Variants in SDK2 observed in about 807,000 individuals in gnomAD.
SDK2 encodes sidekick cell adhesion molecule 2, also known as protein sidekick-2.
A neutral mutation model predicts 253.9 loss-of-function variants in SDK2; 105 were observed. The observed-to-expected ratio is 0.41, with a 90% CI of 0.35 to 0.49. SDK2 has a LOEUF of 0.49. SDK2 is among the 20% of genes least tolerant of loss of function. The probability of loss-of-function intolerance (pLI) is 0.06; values close to 1 mark genes in which losing one functional copy is unlikely to be tolerated. For missense variants in SDK2, 2,608 were observed against 3,003.0 expected (o/e 0.87, Z 3.07); for synonymous variants, 1,249 against 1,234.9 (o/e 1.01, Z -0.24).
chr17:73,477,750 C>T (rs1023991510), intron 2 of SDK2, among the ~76,000 whole-genome samples: 1 of 152,156 alleles, frequency 6.6e-6, no homozygotes, highest in Admixed American at 6.5e-5. Context: ...CTGCCTGGCA[C>T]ATTCCTCGGC....
At chr17:73,460,072 C>A (rs35746115) in intron 3 of SDK2, among the ~76,000 whole-genome samples, 27,004 of 152,116 alleles carry the variant, frequency 0.18, 2,827 homozygotes, top group Non-Finnish European at 0.24. Flanking sequence ...AATCTAGGGA[C>A]CTTGTGACTA....
At chr17:73,483,707 A>AT (rs35288553) in intron 2 of SDK2, among the ~76,000 whole-genome samples, 4,479 of 64,218 alleles carry the variant, frequency 0.07, 472 homozygotes, top group Non-Finnish European at 0.091. Context: ...ATATATATAT[A>AT]TTTTTTTTTT....
chr17:73,537,206 T>C (rs1291404230), intron 1 of SDK2, among the ~76,000 whole-genome samples: 2 of 152,204 alleles, frequency 1.3e-5, no homozygotes, highest in East Asian at 1.9e-4. Flanking sequence ...GACGATGGAT[T>C]GTGAGCCCTG....
intron 2 of SDK2, among the ~76,000 whole-genome samples, chr17:73,491,602 G>A (rs1198655964): frequency 6.6e-6 from 1 of 152,268 alleles, no homozygotes; most frequent in East Asian, 1.9e-4. Context: ...GCTTGCAAGC[G>A]TGAGCCACTG....
chr17:73,365,990 C>CA (rs1273061204), intron 37 of SDK2, among the ~76,000 whole-genome samples: 4 of 152,132 alleles, frequency 2.6e-5, no homozygotes, highest in African/African-American at 9.7e-5. Context: ...GTGGCAACCC[C>CA]AAAATCATGG....
At chr17:73,366,381 C>T (rs1009490622) in intron 37 of SDK2, among the ~76,000 whole-genome samples, 1 of 152,146 alleles carries the variant, frequency 6.6e-6, no homozygotes, top group Non-Finnish European at 1.5e-5. Flanking sequence ...CAGCAGCTCA[C>T]GCTCATTCTG....
At chr17:73,355,174 A>ATATATTTTTTT in intron 40 of SDK2, among the ~76,000 whole-genome samples, 27 of 47,238 alleles carry the variant, frequency 5.7e-4, no homozygotes, top group Non-Finnish European at 8.1e-4. Flanking sequence ...ATATATATAT[A>ATATATTTTTTT]TTTTTTTTTT....
chr17:73,454,286 T>C (rs1324534218), intron 4 of SDK2, among the ~76,000 whole-genome samples: 2 of 152,238 alleles, frequency 1.3e-5, no homozygotes, highest in African/African-American at 2.4e-5. Context: ...ACAGGGCTTG[T>C]TCCCCACAAA....
intron 1 of SDK2, among the ~76,000 whole-genome samples, chr17:73,574,232 CAATA>C (rs558784658): frequency 4.9e-4 from 75 of 152,246 alleles, no homozygotes; most frequent in African/African-American, 1.8e-3. Flanking sequence ...CCTAATACAC[CAATA>C]AATATTTATC....
intron 18 of SDK2, among the ~76,000 whole-genome samples, chr17:73,403,420 C>T (rs1055319470): frequency 6.6e-6 from 1 of 151,810 alleles, no homozygotes; most frequent in African/African-American, 2.4e-5. Context: ...TCACACCTGG[C>T]CCCCGCCCCC....
At chr17:73,414,615 C>A (rs2063164850) in intron 18 of SDK2, 29 bp downstream of exon 18, 3 of 1,560,844 alleles carry the variant, frequency 1.9e-6, no homozygotes, top group East Asian at 2.2e-5. Flanking sequence ...CTTAGGGCCT[C>A]CTCTTGGGTG....
rs2063977081 is a variant in SDK2, at chr17:73,511,131, T to TCA, written c.65-3536_65-3535dup. 6.6e-6 allele frequency among the ~76,000 whole-genome samples: 1 copy of TCA among 152,204 alleles called. No homozygotes were observed. The highest frequency in any genetic ancestry group is 1.5e-5 in the Non-Finnish European group (1 of 68,030). ...GCACATTCTTACTTCAAAGGCGCAT[T>TCA]CATATTCTCCAGCAGCTTTCAAGAG... On this transcript the variant is annotated intron_variant, in intron 1 of 44. Transcript: ENST00000392650. This position sits in a 1 kb window ranked among gnomAD's most constrained non-coding sequence, Gnocchi z 4.9.
chr17:73,432,651 G>A (rs1368306749), intron 10 of SDK2, among the ~76,000 whole-genome samples: 1 of 151,998 alleles, frequency 6.6e-6, no homozygotes, highest in African/African-American at 2.4e-5. Flanking sequence ...ATGAGAAGGT[G>A]GGGAGTGAAG....
At chr17:73,386,594 G>C (rs2062874670) in intron 30 of SDK2, 46 bp from the exon 31 acceptor site, 1 of 1,366,646 alleles carries the variant, frequency 7.3e-7, no homozygotes, top group African/African-American at 1.4e-5. Flanking sequence ...CTCCTTAAAG[G>C]CCTCGCCCCA....
intron 1 of SDK2, among the ~76,000 whole-genome samples, chr17:73,585,246 C>T (rs2045588557): frequency 6.6e-6 from 1 of 152,246 alleles, no homozygotes; most frequent in Non-Finnish European, 1.5e-5. Flanking sequence ...TCTCAGAATG[C>T]ACTCTGTTTC....
chr17:73,405,513 T>G (rs58510364), intron 18 of SDK2, among the ~76,000 whole-genome samples: 11 of 21,940 alleles, frequency 5.0e-4, no homozygotes, highest in South Asian at 1.8e-3. Context: ...TATATATATA[T>G]ATATAAAGAT....
At chr17:73,429,634 CCTT>C (rs1387257539) in intron 12 of SDK2, among the ~76,000 whole-genome samples, 1 of 152,244 alleles carries the variant, frequency 6.6e-6, no homozygotes, top group African/African-American at 2.4e-5. Context: ...AGCGCCGGCC[CCTT>C]CTAGCCTCGG....
At chr17:73,579,637 G>A (rs2045504776) in intron 1 of SDK2, among the ~76,000 whole-genome samples, 1 of 152,218 alleles carries the variant, frequency 6.6e-6, no homozygotes. Flanking sequence ...GGTAAAATGA[G>A]GTCAGTAGGA....
At chr17:73,620,959 G>A (rs142463646) in intron 1 of SDK2, among the ~76,000 whole-genome samples, 183 of 152,296 alleles carry the variant, frequency 1.2e-3, no homozygotes, top group African/African-American at 4.1e-3. Context: ...TATTGTGAAT[G>A]TACTCAACGC....
Sources: allele counts gnomAD v4.1 joint callset (sites outside exome capture counted in the v4.1 genomes callset), GRCh38; gene constraint gnomAD v4.1.1; non-coding constraint Gnocchi (gnomAD v3.1); transcripts MANE v1.5; gene names NCBI Gene and HGNC (gene_info 2026-07-23, HGNC 2026-07-21).